The following CCDC178 variants were observed in gnomAD, a reference collection of about 807,000 sequenced individuals.
CCDC178 encodes coiled-coil domain containing 178, also known as coiled-coil domain-containing protein 178.
Under a neutral mutation model 117.4 loss-of-function variants are expected in CCDC178, and 126 were observed. The observed-to-expected ratio is 1.07, with a 90% CI of 0.93 to 1.24. The LOEUF (loss-of-function observed/expected upper bound fraction) is 1.24. Ranked by LOEUF, CCDC178 falls within the 50% of genes most tolerant of loss-of-function variation. The pLI is 0.00. For missense variants in CCDC178, 1,030 were observed against 986.9 expected (o/e 1.04, Z -0.59); for synonymous variants, 283 against 313.4 (o/e 0.90, Z 1.02).
At chr18:33,184,268 T>C (rs1250161006) in intron 20 of CCDC178, among the ~76,000 whole-genome samples, 1 of 152,026 alleles carries the variant, frequency 6.6e-6, no homozygotes, top group Non-Finnish European at 1.5e-5. Flanking sequence ...AAAAAAATAC[T>C]CATGATGTAT....
intron 21 of CCDC178, among the ~76,000 whole-genome samples, chr18:32,989,129 A>G (rs928647555): frequency 7.9e-5 from 12 of 152,196 alleles, no homozygotes; most frequent in African/African-American, 2.9e-4. Flanking sequence ...CAAGCAAAAC[A>G]TGAAAACTAA....
At chr18:33,058,064 T>C (rs2144950872) in intron 21 of CCDC178, among the ~76,000 whole-genome samples, 1 of 149,922 alleles carries the variant, frequency 6.7e-6, no homozygotes, top group Non-Finnish European at 1.5e-5. Flanking sequence ...TGTAAAATGG[T>C]ACTGCCACTT....
intron 21 of CCDC178, among the ~76,000 whole-genome samples, chr18:33,078,166 A>G (rs988742925): frequency 2.0e-5 from 3 of 152,222 alleles, no homozygotes; most frequent in African/African-American, 7.2e-5. Flanking sequence ...TGCCAACAGA[A>G]CTAAAGACAA....
chr18:33,267,905 TTAAAA>T lies in CCDC178; in HGVS notation c.1177-613_1177-609del, dbSNP rs576796296. Among the ~76,000 whole-genome samples the T allele has an allele frequency of 3.1e-3, 477 of 151,612 alleles. 4 individuals carry two copies. Among genetic ancestry groups the T allele is most frequent in the African/African-American group, 0.011 (460 of 41,504 alleles). On this transcript the variant is annotated intron_variant, in intron 12 of 22. Transcript: ENST00000383096. ...TATCTATAAGAATAATAATCGGTCTTTAAAATACAGAAGAAATAATTGTAAAGTTT... is the reference window on the plus strand; with the variant it reads ...TATCTATAAGAATAATAATCGGTCTTTACAGAAGAAATAATTGTAAAGTTT...
At chr18:33,041,563 A>C (rs1428031425) in intron 21 of CCDC178, among the ~76,000 whole-genome samples, 1 of 151,382 alleles carries the variant, frequency 6.6e-6, no homozygotes, top group Non-Finnish European at 1.5e-5. Context: ...TTTATTGATA[A>C]GTCTAAGAAG....
intron 21 of CCDC178, among the ~76,000 whole-genome samples, chr18:33,043,315 G>A (rs1170359487): frequency 1.3e-5 from 2 of 152,070 alleles, no homozygotes; most frequent in Admixed American, 1.3e-4. Context: ...CAGTTCTACT[G>A]AGAATTATCA....
intron 11 of CCDC178, among the ~76,000 whole-genome samples, chr18:33,317,881 G>C (rs1364814507): frequency 1.3e-5 from 2 of 152,066 alleles, no homozygotes; most frequent in Non-Finnish European, 2.9e-5. Flanking sequence ...TTTAAGCCAA[G>C]ATAGCCAACC....
In CCDC178 at chr18:32,974,566, T is replaced by C. The variant is rs1355141659; in HGVS notation, c.2504A>G (p.Gln835Arg). 1 of 1,613,620 alleles carries C rather than the reference T, an allele frequency of 6.2e-7. No individual in the cohort carries two copies. Among genetic ancestry groups the C allele is most frequent in the African/African-American group, 1.3e-5 (1 of 75,044 alleles). The change falls in exon 22 of 23, where the codon CAG becomes CGG. Residue 835 changes from glutamine to arginine, a missense_variant. Transcript: ENST00000383096. ...NFQTDSQESI[Q>R]KILAVQEESS... ...ACCTACCTGCACAGCTAATATTTTCTGAATACTCTCCTGAGAGTCTGTCTG... is the reference window on the plus strand; with the variant it reads ...ACCTACCTGCACAGCTAATATTTTCCGAATACTCTCCTGAGAGTCTGTCTG...
At chr18:33,115,721 A>G (rs271564) in intron 20 of CCDC178, among the ~76,000 whole-genome samples, 24,348 of 151,952 alleles carry the variant, frequency 0.16, 2,728 homozygotes, top group African/African-American at 0.32. Context: ...TAGACCATCT[A>G]TAGTGACCAT....
intron 10 of CCDC178, among the ~76,000 whole-genome samples, chr18:33,330,443 C>T (rs912019543): frequency 2.6e-5 from 4 of 152,056 alleles, no homozygotes; most frequent in African/African-American, 9.7e-5. Context: ...CTCATTTTGA[C>T]CCCTGGAATA....
intron 21 of CCDC178, among the ~76,000 whole-genome samples, chr18:33,045,852 A>C (rs1329713803): frequency 6.6e-6 from 1 of 152,132 alleles, no homozygotes; most frequent in Non-Finnish European, 1.5e-5. Flanking sequence ...AGATCACTTG[A>C]GGTCAGGAGT....
chr18:33,316,251 G>GTGCTTGCGGGATAGCACCGGGT (rs1198016119), intron 11 of CCDC178, among the ~76,000 whole-genome samples: 4 of 152,328 alleles, frequency 2.6e-5, no homozygotes, highest in Admixed American at 2.6e-4. Context: ...CGGGAACCGG[G>GTGCTTGCGGGATAGCACCGGGT]GCTGCGCGCG....
At position 33,118,031 on chromosome 18, in the gene CCDC178, C is replaced by G. The variant is rs2057883233; in HGVS notation, c.2239-25121G>C. ...CAGAGTAACCCCTGTCTGACAACCA[C>G]AGACATACAGAATGCCTTATCATTT... On this transcript the variant is annotated intron_variant, in intron 20 of 22. Coordinates refer to ENST00000383096, the MANE Select transcript of CCDC178 (RefSeq NM_001105528.4). Among the ~76,000 whole-genome samples the G allele has an allele frequency of 2.6e-5, 4 of 152,110 alleles. No individual in the cohort carries two copies. The South Asian group carries it at 8.3e-4, about 32-fold the overall frequency.
intron 6 of CCDC178, among the ~76,000 whole-genome samples, chr18:33,359,369 AC>A (rs1450843264): frequency 1.3e-5 from 2 of 151,770 alleles, no homozygotes; most frequent in African/African-American, 4.8e-5. Context: ...GAAGTAAGTA[AC>A]AAAGAAATAA....
At chr18:33,231,838 CT>C (rs2059372329) in intron 15 of CCDC178, among the ~76,000 whole-genome samples, 2 of 152,148 alleles carry the variant, frequency 1.3e-5, no homozygotes, top group South Asian at 4.1e-4. Flanking sequence ...ACCCCACCCT[CT>C]CCAATAAAGC....
At chr18:33,141,510 G>T (rs771507297) in intron 20 of CCDC178, among the ~76,000 whole-genome samples, 9 of 152,300 alleles carry the variant, frequency 5.9e-5, no homozygotes, top group Middle Eastern at 3.4e-3. Flanking sequence ...ATTTCTGAAA[G>T]AACATACAGA....
At chr18:33,109,914 C>T (rs2057758676) in intron 20 of CCDC178, among the ~76,000 whole-genome samples, 1 of 151,426 alleles carries the variant, frequency 6.6e-6, no homozygotes, top group African/African-American at 2.4e-5. Flanking sequence ...CTGACAGTAA[C>T]ACTTGGTATA....
chr18:33,352,575 CT>C (rs1398521133), intron 7 of CCDC178, among the ~76,000 whole-genome samples: 1 of 152,024 alleles, frequency 6.6e-6, no homozygotes, highest in Non-Finnish European at 1.5e-5. Flanking sequence ...CTGTGGACTA[CT>C]TTTGCTGCAT....
At chr18:33,106,265 TC>T (rs1312409631) in intron 20 of CCDC178, among the ~76,000 whole-genome samples, 1 of 151,524 alleles carries the variant, frequency 6.6e-6, no homozygotes, top group Non-Finnish European at 1.5e-5. Flanking sequence ...TTTCCTTCCT[TC>T]CTGCAAGTTT....
Sources: allele counts gnomAD v4.1 joint callset (sites outside exome capture counted in the v4.1 genomes callset), GRCh38; gene constraint gnomAD v4.1.1; transcripts MANE v1.5; gene names NCBI Gene and HGNC (gene_info 2026-07-23, HGNC 2026-07-21).